Variants in CPS1 observed in about 807,000 individuals in gnomAD.
CPS1 encodes carbamoyl-phosphate synthase [ammonia], mitochondrial.
CPS1 carries 109 observed loss-of-function variants against 174.6 expected under a neutral mutation model. That is an observed-to-expected ratio of 0.62 (90% CI 0.53 to 0.73). CPS1 has a LOEUF of 0.73. Among genes scored for constraint, CPS1 ranks in the 30% least tolerant of loss-of-function variants. The pLI is 0.00. For missense variants in CPS1, 1,689 were observed against 1,821.9 expected (o/e 0.93, Z 1.33); for synonymous variants, 637 against 632.0 (o/e 1.01, Z -0.12).
chr2:210,589,848 C>T (rs1016071810), intron 7 of CPS1, among the ~76,000 whole-genome samples: 1 of 151,572 alleles, frequency 6.6e-6, no homozygotes, highest in African/African-American at 2.4e-5. Context: ...TAGGGTTTTG[C>T]CCTGTTTCCC....
At chr2:210,612,958 A>G (rs576818996) in intron 20 of CPS1, among the ~76,000 whole-genome samples, 40 of 152,058 alleles carry the variant, frequency 2.6e-4, no homozygotes, top group African/African-American at 9.1e-4. Context: ...AGCTCATCTG[A>G]TTTTATAAAA....
intron 1 of CPS1, among the ~76,000 whole-genome samples, chr2:210,536,497 G>T (rs1326612579): frequency 2.0e-5 from 3 of 151,876 alleles, no homozygotes; most frequent in Admixed American, 1.3e-4. Context: ...ATTTATTTTT[G>T]TATTTTTAGT....
chr2:210,529,138 C>G (rs1696050731), intron 1 of CPS1, among the ~76,000 whole-genome samples: 1 of 151,876 alleles, frequency 6.6e-6, no homozygotes, highest in Non-Finnish European at 1.5e-5. Context: ...AAAGAAATAA[C>G]TCTCTCTGGA....
chr2:210,481,960 C>A (rs566312666), intron 1 of CPS1, among the ~76,000 whole-genome samples: 1 of 152,354 alleles, frequency 6.6e-6, no homozygotes, highest in South Asian at 2.1e-4. Context: ...ACAGCCAGGG[C>A]TGCAGCTGCA....
intron 1 of CPS1, among the ~76,000 whole-genome samples, chr2:210,482,323 T>C (rs1322810773): frequency 6.6e-6 from 1 of 152,050 alleles, no homozygotes; most frequent in South Asian, 2.1e-4. Flanking sequence ...TTTTTTTCTT[T>C]TGAGATGGAG....
chr2:210,509,739 C>G (rs956094406), intron 1 of CPS1, among the ~76,000 whole-genome samples: 3 of 152,106 alleles, frequency 2.0e-5, no homozygotes, highest in Non-Finnish European at 4.4e-5. Flanking sequence ...CATTAGCAGA[C>G]AAACAGAGAG....
rs75828397 is a variant in CPS1 at position 210,561,134 on chromosome 2, G to A, written c.126+4275G>A. ...GATTCATTTATTAGTCACCAACAAC[G>A]CCTTGACATTATGAGCTTCTTGACA... is the stretch of plus-strand genomic sequence containing the variant. On this transcript the variant is annotated intron_variant, in intron 1 of 37. Coordinates refer to ENST00000233072, the MANE Select transcript of CPS1 (RefSeq NM_001875.5). 9.9e-5 allele frequency among the ~76,000 whole-genome samples: 15 copies of A among 151,990 alleles called. No homozygotes were observed. The East Asian group carries it at 2.3e-3, about 24-fold the overall frequency.
At chr2:210,491,812 C>G (rs1023542021) in intron 1 of CPS1, among the ~76,000 whole-genome samples, 1 of 152,174 alleles carries the variant, frequency 6.6e-6, no homozygotes, top group African/African-American at 2.4e-5. Flanking sequence ...GGAGGGGGTC[C>G]TATAACAGCT....
At chr2:210,555,228 G>A (rs1696874955), upstream of CPS1, among the ~76,000 whole-genome samples, 2 of 151,804 alleles carry the variant, frequency 1.3e-5, 1 homozygote, top group South Asian at 4.2e-4. Flanking sequence ...ATCCCTTCTG[G>A]GTTTTTTCCC....
chr2:210,630,999 T>A (rs1699849868), intron 21 of CPS1, among the ~76,000 whole-genome samples: 1 of 149,886 alleles, frequency 6.7e-6, no homozygotes. Context: ...TCAGGCTTAG[T>A]TTTTTTCTGC....
upstream of CPS1, chr2:210,556,375 C>T (rs189124865): frequency 4.2e-6 from 2 of 475,094 alleles, no homozygotes; most frequent in East Asian, 6.5e-5. Context: ...TAAGGTTGTC[C>T]ATGATGTCTA....
At chr2:210,485,222 A>G (rs1396704239) in intron 1 of CPS1, among the ~76,000 whole-genome samples, 1 of 147,934 alleles carries the variant, frequency 6.8e-6, no homozygotes, top group Admixed American at 6.8e-5. Context: ...ACAGAGCAAG[A>G]CTACATCTCA....
intron 1 of CPS1, among the ~76,000 whole-genome samples, chr2:210,527,771 A>G (rs1293266963): frequency 4.0e-5 from 6 of 151,888 alleles, no homozygotes; most frequent in Non-Finnish European, 8.8e-5. Flanking sequence ...TTCATTACCT[A>G]ATATATTCTT....
At chr2:210,512,848 A>G (rs1198925836) in intron 1 of CPS1, among the ~76,000 whole-genome samples, 1 of 75,604 alleles carries the variant, frequency 1.3e-5, no homozygotes, top group Non-Finnish European at 2.4e-5. Context: ...ACATATATGG[A>G]GATATATATA....
intron 1 of CPS1, among the ~76,000 whole-genome samples, chr2:210,541,854 T>A (rs1252601898): frequency 6.6e-6 from 1 of 152,150 alleles, no homozygotes; most frequent in East Asian, 1.9e-4. Context: ...TCATGGAGTA[T>A]CAGGGTTGTG....
In CPS1 at chr2:210,647,964, G is replaced by A. The variant is rs1700433536; in HGVS notation, c.3243G>A (p.Leu1081=). 1 of 1,613,964 alleles carries A rather than the reference G, an allele frequency of 6.2e-7. No individual in the cohort carries two copies. Among genetic ancestry groups the A allele is most frequent in the Non-Finnish European group, 8.5e-7 (1 of 1,179,964 alleles). Residue 1081 remains leucine, a synonymous_variant, in exon 26 of 38, where the codon CTG becomes CTA. Transcript: ENST00000233072. ...NGVKIMGTSP[L]QIDRAEDRSI... ...TCAAGATCATGGGCACAAGCCCCCTGCAGATCGACAGGGCTGAGGATCGCT... is the reference window on the plus strand; with the variant it reads ...TCAAGATCATGGGCACAAGCCCCCTACAGATCGACAGGGCTGAGGATCGCT...
intron 1 of CPS1, among the ~76,000 whole-genome samples, chr2:210,562,614 T>G (rs746488501): frequency 7.2e-5 from 11 of 152,166 alleles, no homozygotes; most frequent in Non-Finnish European, 1.5e-4. Flanking sequence ...CAGTGCTTAG[T>G]TCAGATTTAT....
intron 27 of CPS1, among the ~76,000 whole-genome samples, 186 bp downstream of exon 27, chr2:210,648,726 G>A (rs566862311): frequency 6.6e-6 from 1 of 152,198 alleles, no homozygotes; most frequent in African/African-American, 2.4e-5. Flanking sequence ...TTCCCTTCAG[G>A]GAGTGGCCAT....
chr2:210,642,598 A>ACAGTT lies in CPS1; in HGVS notation c.3074_3075insCAGTT (p.Glu1026SerfsTer18). 6.2e-7 allele frequency: 1 copy of ACAGTT among 1,614,136 alleles called. No individual in the cohort carries two copies. Among genetic ancestry groups the ACAGTT allele is most frequent in the Non-Finnish European group, 8.5e-7 (1 of 1,179,984 alleles). ...CCTGAGACTGTGAGCACAGACTTTG[A>ACAGTT]TGAGTGTGACAAACTGTACTTTGAA... is the stretch of plus-strand genomic sequence containing the variant. On this transcript the variant is annotated frameshift_variant, in exon 25 of 38. Transcript: ENST00000233072. LOFTEE classifies it high-confidence loss of function.
Sources: allele counts gnomAD v4.1 joint callset (sites outside exome capture counted in the v4.1 genomes callset), GRCh38; gene constraint gnomAD v4.1.1; transcripts MANE v1.5; gene names NCBI Gene and HGNC (gene_info 2026-07-23, HGNC 2026-07-21).